Variants in SENP1 observed in about 807,000 individuals in gnomAD.
SENP1 encodes the protein SUMO specific peptidase 1, also known as sentrin-specific protease 1.
In SENP1, 21 loss-of-function variants were observed where a neutral mutation model predicts 93.0. The ratio of observed to expected loss-of-function variants is 0.23; its 90% CI spans 0.16 to 0.33. The LOEUF is 0.33. Ranked by LOEUF, SENP1 falls within the 10% of genes least tolerant of loss-of-function variation. The pLI, the probability that SENP1 is intolerant of heterozygous loss-of-function variation, is 1.00. For synonymous variants in SENP1, 256 were observed against 259.6 expected (o/e 0.99, Z 0.13); for missense variants, 591 against 758.7 (o/e 0.78, Z 2.60).
chr12:48,097,261 T>C (rs1945630747), intron 3 of SENP1, among the ~76,000 whole-genome samples: 2 of 152,192 alleles, frequency 1.3e-5, no homozygotes, highest in Admixed American at 1.3e-4. Context: ...TCAGAGGTGG[T>C]GCTATACCCT....
chr12:48,076,780 C>A (rs1944116757), intron 6 of SENP1, among the ~76,000 whole-genome samples: 3 of 151,944 alleles, frequency 2.0e-5, no homozygotes, highest in Non-Finnish European at 1.5e-5. Flanking sequence ...GTAGCTGGAA[C>A]TACAGGTGTG....
chr12:48,085,294 T>C, intron 5 of SENP1: 1 of 1,525,552 alleles, frequency 6.6e-7, no homozygotes, highest in Non-Finnish European at 9.1e-7. Flanking sequence ...CAGCATGCCC[T>C]GGACACCCAC....
chr12:48,087,887 T>G, intron 5 of SENP1, among the ~76,000 whole-genome samples: 1 of 152,154 alleles, frequency 6.6e-6, no homozygotes, highest in Non-Finnish European at 1.5e-5. Context: ...TAGTCATAAA[T>G]ACTATTTTAA....
At chr12:48,048,238 G>GA (rs144758884) in intron 14 of SENP1, among the ~76,000 whole-genome samples, 158 bp from the exon 15 acceptor site, 1 of 151,850 alleles carries the variant, frequency 6.6e-6, no homozygotes, top group Non-Finnish European at 1.5e-5. Flanking sequence ...AATCTGTAGA[G>GA]AAAAAAAATG....
At chr12:48,069,915 A>G (rs1057009337) in intron 9 of SENP1, among the ~76,000 whole-genome samples, 9 of 152,216 alleles carry the variant, frequency 5.9e-5, no homozygotes, top group African/African-American at 2.2e-4. Flanking sequence ...ATGAGAAAGA[A>G]TATTTCATTA....
chr12:48,046,865 C>T (rs1290788539), intron 16 of SENP1, 113 bp downstream of exon 16: 1 of 671,058 alleles, frequency 1.5e-6, no homozygotes, highest in East Asian at 2.7e-5. Context: ...ACCAACCAAG[C>T]TGAAGTCAGG....
At chr12:48,051,776 T>G (rs76488383) in intron 13 of SENP1, among the ~76,000 whole-genome samples, 1 of 152,226 alleles carries the variant, frequency 6.6e-6, no homozygotes. Context: ...CGACGCCAAG[T>G]TGGCAACAGC....
At chr12:48,049,737 C>G (rs1438190213) in intron 13 of SENP1, among the ~76,000 whole-genome samples, 2 of 152,112 alleles carry the variant, frequency 1.3e-5, no homozygotes, top group Non-Finnish European at 2.9e-5. Flanking sequence ...ACAGGAGAAG[C>G]CATTAATTAT....
Position 48,074,433 on chromosome 12 carries a change from T to G in SENP1, c.831A>C (p.Pro277=). The G allele has an allele frequency of 1.2e-6, 2 of 1,613,832 alleles. No homozygotes were observed. The highest frequency in any genetic ancestry group is 1.7e-6 in the Non-Finnish European group (2 of 1,179,798). ...HSVYSLSSYT[P]DVAFGSKDSG... is the part of the protein sequence containing the mutation. ...AATCTTTGGATCCAAATGCAACATC[T>G]GGGGTATAAGAAGATAGGGAATATA... The change falls in exon 8 of 18, where the codon CCA becomes CCC. Residue 277 remains proline (P), a synonymous_variant. Transcript: ENST00000549518.
At chr12:48,075,292 C>T (rs1397018769) in intron 6 of SENP1, among the ~76,000 whole-genome samples, 1 of 151,890 alleles carries the variant, frequency 6.6e-6, no homozygotes, top group Non-Finnish European at 1.5e-5. Context: ...GAGTAAATAC[C>T]AGATAATATA....
At position 48,083,858 on chromosome 12, in the gene SENP1, A is replaced by C. The variant is rs988812048; in HGVS notation, c.381-96T>G. ...TCACTTTCAAAATATAAAACCAACC[A>C]AACAAAACAGGTAAAATAATAGGTT... On this transcript the variant is annotated intron_variant, in intron 5 of 17. Transcript: ENST00000549518. 22 of 814,650 alleles carry C rather than the reference A, an allele frequency of 2.7e-5. No homozygotes were observed. In the Admixed American group the frequency reaches 6.3e-4, roughly 23 times the overall value. The allele number at this position is 814,650 out of a possible 1,614,324, so 50.5% of individuals were successfully genotyped here. A position where few individuals can be genotyped will look rare whatever the true frequency, so the allele number is the denominator to read the frequency against.
At chr12:48,062,515 T>C (rs1943025445) in intron 13 of SENP1, among the ~76,000 whole-genome samples, 4 of 152,216 alleles carry the variant, frequency 2.6e-5, no homozygotes, top group Non-Finnish European at 4.4e-5. Context: ...AACCAACCAG[T>C]GGCAAAAAGA....
chr12:48,084,084 CA>C (rs1258073321), intron 5 of SENP1, among the ~76,000 whole-genome samples: 1 of 152,138 alleles, frequency 6.6e-6, no homozygotes, highest in East Asian at 1.9e-4. Flanking sequence ...TAGATGTCTT[CA>C]AAAAACCTGG....
At chr12:48,082,034 C>T (rs529031490) in intron 6 of SENP1, among the ~76,000 whole-genome samples, 9 of 152,150 alleles carry the variant, frequency 5.9e-5, no homozygotes, top group African/African-American at 9.6e-5. Flanking sequence ...GACTTACAGG[C>T]GCCCGCCACC....
chr12:48,066,471 A>G (rs1943304677), intron 10 of SENP1, among the ~76,000 whole-genome samples: 1 of 151,990 alleles, frequency 6.6e-6, no homozygotes, highest in Non-Finnish European at 1.5e-5. Flanking sequence ...AACTCCAACA[A>G]TATTTTGAAA....
intron 9 of SENP1, 134 bp from the exon 10 acceptor site, chr12:48,067,099 T>C (rs1344032305): frequency 9.4e-6 from 6 of 638,412 alleles, no homozygotes; most frequent in Non-Finnish European, 1.7e-5. Context: ...GTAAAAGGAA[T>C]CTAAATGACA....
chr12:48,066,929 T>C lies in SENP1; in HGVS notation c.1032A>G (p.Glu344=). Residue 344 remains glutamate, a splice_region_variant and synonymous_variant, in exon 10 of 18, where the codon GAA becomes GAG. Coordinates refer to ENST00000549518, the MANE Select transcript of SENP1 (RefSeq NM_001267594.2). Reference sequence around the variant, plus strand: ...AAATGATACCAAAAATAACTTACAATTCTTTGATCCACAGCTCTGCCTGGA... The same window carrying C: ...AAATGATACCAAAAATAACTTACAACTCTTTGATCCACAGCTCTGCCTGGA... ...TFFQAELWIK[E]LTSVYDSRAR... The C allele has an allele frequency of 6.4e-7, 1 of 1,559,062 alleles. No individual in the cohort carries two copies. Among genetic ancestry groups the C allele is most frequent in the Non-Finnish European group, 8.7e-7 (1 of 1,149,630 alleles).
chr12:48,091,011 C>T (rs1401013815), intron 4 of SENP1, among the ~76,000 whole-genome samples: 2 of 152,168 alleles, frequency 1.3e-5, no homozygotes, highest in East Asian at 1.9e-4. Flanking sequence ...CATACATACA[C>T]ACAAAACTAG....
intron 4 of SENP1, chr12:48,089,403 C>T (rs1373645364): frequency 5.4e-6 from 6 of 1,112,456 alleles, no homozygotes; most frequent in East Asian, 1.2e-4. Flanking sequence ...TCACTTTCTT[C>T]GTTTTAGTTA....
Sources: gnomAD v4.1 joint callset for allele counts (sites outside exome capture counted in the v4.1 genomes callset) on GRCh38, gnomAD v4.1.1 for gene constraint, MANE v1.5 for transcripts, NCBI Gene and HGNC (gene_info 2026-07-23, HGNC 2026-07-21) for gene names.